Variants in SPOCK1 observed in about 807,000 individuals in gnomAD.
The protein encoded by SPOCK1 is testican-1.
A neutral mutation model predicts 55.3 loss-of-function variants in SPOCK1; 23 were observed. The ratio of observed to expected loss-of-function variants is 0.42; its 90% CI spans 0.30 to 0.59. SPOCK1 has a LOEUF of 0.59. Ranked by LOEUF, SPOCK1 falls within the 20% of genes least tolerant of loss-of-function variation. SPOCK1 has a pLI of 0.22. For synonymous variants in SPOCK1, 226 were observed against 221.0 expected (o/e 1.02, Z -0.20); for missense variants, 499 against 552.5 (o/e 0.90, Z 0.97).
intron 2 of SPOCK1, among the ~76,000 whole-genome samples, chr5:137,450,838 C>T (rs888385081): frequency 2.0e-5 from 3 of 149,708 alleles, no homozygotes; most frequent in Non-Finnish European, 3.0e-5. Context: ...ATGCTGCATC[C>T]GTGTCATCCC....
At chr5:137,413,248 A>G (rs761785784) in intron 2 of SPOCK1, among the ~76,000 whole-genome samples, 15 of 152,120 alleles carry the variant, frequency 9.9e-5, no homozygotes, top group Non-Finnish European at 2.1e-4. Context: ...TTTTCCCCAG[A>G]ATTATACTGC....
chr5:137,287,589 A>G (rs904946787), intron 2 of SPOCK1, among the ~76,000 whole-genome samples: 2 of 152,236 alleles, frequency 1.3e-5, no homozygotes, highest in African/African-American at 4.8e-5. Flanking sequence ...TTTAATCTCC[A>G]ACTTTAAGGA....
intron 2 of SPOCK1, among the ~76,000 whole-genome samples, chr5:137,394,225 A>T (rs1365272533): frequency 6.6e-6 from 1 of 152,222 alleles, no homozygotes; most frequent in Non-Finnish European, 1.5e-5. Context: ...AGAGTTGTAC[A>T]GTTTACTGGT....
intron 2 of SPOCK1, among the ~76,000 whole-genome samples, chr5:137,466,390 C>G (rs1432173325): frequency 6.6e-6 from 1 of 152,214 alleles, no homozygotes; most frequent in Non-Finnish European, 1.5e-5. Flanking sequence ...AGGGTCCAAG[C>G]TGAGGCACTG....
intron 2 of SPOCK1, among the ~76,000 whole-genome samples, chr5:137,467,784 T>C (rs779343296): frequency 6.6e-6 from 1 of 152,200 alleles, no homozygotes. Flanking sequence ...GAAGGTATCT[T>C]GCACATGGCA....
chr5:137,461,540 C>T (rs1008954685), intron 2 of SPOCK1, among the ~76,000 whole-genome samples: 9 of 152,130 alleles, frequency 5.9e-5, no homozygotes, highest in African/African-American at 1.4e-4. Flanking sequence ...GACTTAAGGG[C>T]GGGAGAGACA....
At chr5:137,457,928 T>C (rs1015833774) in intron 2 of SPOCK1, among the ~76,000 whole-genome samples, 2 of 152,202 alleles carry the variant, frequency 1.3e-5, no homozygotes, top group Non-Finnish European at 2.9e-5. Flanking sequence ...GACTCAATTC[T>C]GTTTTGTGGT....
intron 6 of SPOCK1, among the ~76,000 whole-genome samples, chr5:136,996,132 C>T (rs1751035972): frequency 2.0e-5 from 3 of 152,314 alleles, no homozygotes; most frequent in South Asian, 4.1e-4. Context: ...TGCTCATCAT[C>T]GCCCCCAATA....
intron 2 of SPOCK1, among the ~76,000 whole-genome samples, chr5:137,416,073 G>C (rs546350581): frequency 1.3e-5 from 2 of 151,866 alleles, no homozygotes; most frequent in Admixed American, 6.6e-5. Context: ...AGGAAAAATA[G>C]ACATGTTACA....
At chr5:137,460,151 A>G (rs898842020) in intron 2 of SPOCK1, among the ~76,000 whole-genome samples, 2 of 152,210 alleles carry the variant, frequency 1.3e-5, no homozygotes, top group Admixed American at 1.3e-4. Context: ...GAGCAGGTAC[A>G]TTTAAGGAAA....
chr5:137,189,956 T>C (rs908972828), intron 3 of SPOCK1, among the ~76,000 whole-genome samples: 4 of 151,762 alleles, frequency 2.6e-5, no homozygotes, highest in African/African-American at 9.7e-5. Context: ...TAACTACAGA[T>C]GTGGAGGAAA....
At chr5:137,084,101 GTGCAGAGTAAGTGCTCATCCCCCTC>G (rs1366521388) in intron 5 of SPOCK1, among the ~76,000 whole-genome samples, 1 of 152,100 alleles carries the variant, frequency 6.6e-6, no homozygotes, top group Non-Finnish European at 1.5e-5. Context: ...TCAGTGCCCA[GTGCAGAGTAAGTGCTCATCCCCCTC>G]TGCCAGCCCC....
At chr5:137,367,778 A>G (rs1447091764) in intron 2 of SPOCK1, among the ~76,000 whole-genome samples, 3 of 152,204 alleles carry the variant, frequency 2.0e-5, no homozygotes, top group African/African-American at 7.2e-5. Flanking sequence ...CCATTTAGGC[A>G]CCAACTACCT....
Position 137,099,578 on chromosome 5 carries a change from GTATATA to G in SPOCK1, c.474+12851_474+12856del, listed in dbSNP as rs34194618. ...GATTTAAAAAAATATATATGTGTGT[GTATATA>G]TATATATATGTACACATATATATAC... On this transcript the variant is annotated intron_variant, in intron 5 of 10. Coordinates refer to ENST00000394945, the MANE Select transcript of SPOCK1 (RefSeq NM_004598.4). Among the ~76,000 whole-genome samples, 640 of 150,282 alleles carry G rather than the reference GTATATA, an allele frequency of 4.3e-3. 7 individuals carry two copies. Among genetic ancestry groups the G allele is most frequent in the African/African-American group, 0.015 (602 of 40,902 alleles).
chr5:137,084,652 G>T (rs1361243699), intron 5 of SPOCK1, among the ~76,000 whole-genome samples: 1 of 151,966 alleles, frequency 6.6e-6, no homozygotes, highest in East Asian at 1.9e-4. Flanking sequence ...CTCTGTTAAA[G>T]ATTTCATAGA....
chr5:137,140,476 T>A (rs1464537851), intron 4 of SPOCK1, 104 bp downstream of exon 4: 3 of 897,704 alleles, frequency 3.3e-6, no homozygotes, highest in Non-Finnish European at 5.1e-6. Flanking sequence ...ACCCTAACAC[T>A]ATGCTCTCCC....
At chr5:137,190,459 T>C (rs1755158593) in intron 3 of SPOCK1, among the ~76,000 whole-genome samples, 1 of 152,214 alleles carries the variant, frequency 6.6e-6, no homozygotes, top group African/African-American at 2.4e-5. Context: ...TTTTTAGCAA[T>C]AAAATATTTT....
At chr5:137,364,990 A>C (rs995509711) in intron 2 of SPOCK1, 4 of 152,262 alleles carry the variant, frequency 2.6e-5, no homozygotes, top group African/African-American at 9.6e-5. Context: ...TCCCAGATGG[A>C]ATGTGAGCTC....
At chr5:137,112,841 A>AG (rs1266152966) in intron 4 of SPOCK1, among the ~76,000 whole-genome samples, 17 of 117,400 alleles carry the variant, frequency 1.4e-4, no homozygotes, top group African/African-American at 4.4e-4. Context: ...TACAACACAC[A>AG]GAAAAAAAAA....
Sources: allele counts gnomAD v4.1 joint callset (sites outside exome capture counted in the v4.1 genomes callset), GRCh38; gene constraint gnomAD v4.1.1; transcripts MANE v1.5; gene names NCBI Gene and HGNC (gene_info 2026-07-23, HGNC 2026-07-21).